Variants in IGSF9 observed in about 807,000 individuals in gnomAD.
The protein encoded by IGSF9 is protein turtle homolog A.
In IGSF9, 87 loss-of-function variants were observed where a neutral mutation model predicts 121.7. The observed-to-expected ratio is 0.71, with a 90% CI of 0.60 to 0.85. The LOEUF is 0.85. IGSF9 is among the 40% of genes least tolerant of loss of function. The pLI is 0.00. For missense variants in IGSF9, 1,462 were observed against 1,565.3 expected (o/e 0.93, Z 1.11); for synonymous variants, 640 against 648.4 (o/e 0.99, Z 0.20).
At position 159,927,540 on chromosome 1, in the gene IGSF9, G is replaced by T; in HGVS notation, c.3359-14C>A. ...GAGTCTTCACACCTGCAAGAGGCGG[G>T]CAGGACAATGAGAAGAAGCCCTGAG... On this transcript the variant is annotated splice_polypyrimidine_tract_variant and intron_variant, in intron 20 of 20. Coordinates refer to ENST00000368094, the MANE Select transcript of IGSF9 (RefSeq NM_001135050.2). 1 of 1,606,712 alleles carries T rather than the reference G, an allele frequency of 6.2e-7. No homozygotes were observed. The highest frequency in any genetic ancestry group is 8.5e-7 in the Non-Finnish European group (1 of 1,174,888).
chr1:159,934,266 C>T lies in IGSF9; in HGVS notation c.1028G>A (p.Arg343His), dbSNP rs375390689. The change falls in exon 9 of 21, where the codon CGC becomes CAC. Residue 343 changes from arginine to histidine, a missense_variant. By Grantham distance (29) the Arg-to-His change is conservative. Around this residue, in one of 3 missense-constraint regions of IGSF9, gnomAD observed 558 missense variants for 599.4 expected, o/e 0.93. Coordinates refer to ENST00000368094, the MANE Select transcript of IGSF9 (RefSeq NM_001135050.2). ...TGGGGGGTTGGCACGAACCGGGCAG[C>T]GGATCACCCCCGGCATGCCTATGGG... ...PLPIGMPGVI[R>H]CPVRANPPLL... is the part of the protein sequence containing the mutation. 1.4e-5 allele frequency: 22 copies of T among 1,613,520 alleles called. No individual in the cohort carries two copies. Among genetic ancestry groups the T allele is most frequent in the African/African-American group, 2.7e-5 (2 of 74,912 alleles).
At chr1:159,935,622 A>G (rs568774559) in intron 6 of IGSF9, among the ~76,000 whole-genome samples, 1 of 152,346 alleles carries the variant, frequency 6.6e-6, no homozygotes, top group East Asian at 1.9e-4. Flanking sequence ...AGAGGTCATG[A>G]TGCGAGCTGA....
At position 159,927,267 on chromosome 1, in the gene IGSF9, G is replaced by A. The variant is rs575707994; in HGVS notation, c.*78C>T. ...AGGGGCAGGCAGGGGCAGTGCCCTC[G>A]TTTGAAACTAGGTCTGTCTGGTTGG... On this transcript the variant is annotated 3_prime_UTR_variant, in exon 21 of 21. Coordinates refer to ENST00000368094, the MANE Select transcript of IGSF9 (RefSeq NM_001135050.2). 66 of 1,569,762 alleles carry A rather than the reference G, an allele frequency of 4.2e-5. 1 individual carries two copies. The highest frequency in any genetic ancestry group is 1.2e-4 in the South Asian group (11 of 89,882).
At chr1:159,936,584 G>T in intron 5 of IGSF9, 68 bp from the exon 6 acceptor site, 1 of 1,549,388 alleles carries the variant, frequency 6.5e-7, no homozygotes, top group Non-Finnish European at 8.8e-7. Context: ...TTCCGAGTTT[G>T]GCCAGCAGAG....
Position 159,927,764 on chromosome 1 carries a change from C to T in IGSF9, c.3354G>A (p.Glu1118=). Residue 1118 remains glutamate, a synonymous_variant, in exon 20 of 21, where the codon GAG becomes GAA. Transcript: ENST00000368094. ...CTTTCCGGGGGGCTCACACACCTAG[C>T]TCTGGCTCAGCTTCAGGTCTGAGCC... The part of the protein sequence containing the change: ...SSRLRPEAEP[E]LGVKTPEEGC... The T allele has an allele frequency of 6.2e-7, 1 of 1,613,084 alleles. No individual in the cohort carries two copies.
intron 3 of IGSF9, among the ~76,000 whole-genome samples, chr1:159,938,226 G>A (rs1440100450): frequency 6.6e-6 from 1 of 152,112 alleles, no homozygotes; most frequent in Admixed American, 6.5e-5. Flanking sequence ...GGGAAGGTGT[G>A]AGCTCCTGGG....
intron 6 of IGSF9, among the ~76,000 whole-genome samples, chr1:159,935,231 T>C (rs1179895677): frequency 6.6e-6 from 1 of 151,992 alleles, no homozygotes; most frequent in African/African-American, 2.4e-5. Context: ...GACTCCAGGC[T>C]CCCCTGCAGC....
intron 3 of IGSF9, among the ~76,000 whole-genome samples, chr1:159,940,946 T>G (rs1399916528): frequency 1.3e-5 from 2 of 152,138 alleles, no homozygotes; most frequent in Non-Finnish European, 2.9e-5. Context: ...CTTCCTTCCC[T>G]CCAGAGGCCT....
intron 18 of IGSF9, 116 bp from the exon 19 acceptor site, chr1:159,929,134 A>T (rs1328969375): frequency 2.8e-6 from 4 of 1,407,480 alleles, no homozygotes; most frequent in Non-Finnish European, 3.9e-6. Context: ...AGAACAAGCG[A>T]GGAAAGGACC....
In IGSF9 at chr1:159,928,263, G is replaced by A. The variant is rs768180100; in HGVS notation, c.3125C>T (p.Ser1042Phe). 7 of 1,613,100 alleles carry A rather than the reference G, an allele frequency of 4.3e-6. No individual in the cohort carries two copies. The African/African-American group carries it at 9.3e-5, about 22-fold the overall frequency. Residue 1042 changes from serine to phenylalanine, a missense_variant, in exon 19 of 21, where the codon TCT (serine) becomes TTT (phenylalanine). This residue lies in a region of IGSF9 where 808 missense variants were observed against 815.2 expected (regional missense o/e 0.99). Transcript: ENST00000368094. The stretch of plus-strand genomic sequence containing the variant: ...AGGGCTGAGGTAGCTGCCTCCTGCA[G>A]AGGGGGCTGTGGAGGGGGGCCGCAG... ...SFLRPPSTAP[S>F]AGGSYLSPAP...
intron 3 of IGSF9, among the ~76,000 whole-genome samples, chr1:159,942,257 G>T (rs894484482): frequency 1.3e-5 from 2 of 152,220 alleles, no homozygotes; most frequent in African/African-American, 4.8e-5. Flanking sequence ...CTGGGGTGCA[G>T]CAGAAGGCGC....
In IGSF9 at chr1:159,943,577, G is replaced by A; in HGVS notation, c.-123C>T. On this transcript the variant is annotated 5_prime_UTR_variant, in exon 2 of 21. Coordinates refer to ENST00000368094, the MANE Select transcript of IGSF9 (RefSeq NM_001135050.2). ...AGCTCTCACTCTTCTGTACAGTGAG[G>A]GCTTGGCTCATGTAACACCCGAGGA... 3.4e-6 allele frequency: 3 copies of A among 877,216 alleles called. No homozygotes were observed. Among genetic ancestry groups the A allele is most frequent in the Non-Finnish European group, 4.9e-6 (3 of 615,844 alleles). The allele number at this position is 877,216 out of a possible 1,614,324, so 54.3% of individuals were successfully genotyped here.
rs368766133 is a variant in IGSF9 at position 159,929,449 on chromosome 1, G to A, written c.2327-56C>T. The A allele has an allele frequency of 1.7e-4, 271 of 1,594,366 alleles. 4 individuals carry two copies. The South Asian group carries it at 2.8e-3, about 17-fold the overall frequency. ...AGGCAAAAATCAAGGCCCTCTAGGC[G>A]GAGACTCTCTCACCCAACACCAGGC... is the stretch of plus-strand genomic sequence containing the variant. On this transcript the variant is annotated intron_variant, in intron 17 of 20. Transcript: ENST00000368094.
intron 9 of IGSF9, chr1:159,933,878 C>G (rs1049832829): frequency 5.0e-6 from 2 of 399,892 alleles, no homozygotes; most frequent in African/African-American, 4.2e-5. Flanking sequence ...TCCCCCGGGA[C>G]ACACAATTTC....
At position 159,930,338 on chromosome 1, in the gene IGSF9, C is replaced by A; in HGVS notation, c.1915G>T (p.Val639Leu). The part of the protein sequence containing the change: ...GLVAVRTPRG[V>L]LLHWDPPELV... ...TCTGGGGGATCCCAATGCAGGAGTA[C>A]CCCCCGGGGTGTCCTCACTGCCACC... The change falls in exon 15 of 21, where the codon GTA becomes TTA. Residue 639 changes from valine (V) to leucine (L), a missense_variant. Transcript: ENST00000368094. The A allele has an allele frequency of 6.2e-7, 1 of 1,609,534 alleles. No homozygotes were observed. Among genetic ancestry groups the A allele is most frequent in the Non-Finnish European group, 8.5e-7 (1 of 1,177,564 alleles).
Position 159,927,091 on chromosome 1 carries a change from CACACACAG to C in IGSF9, c.*246_*253del, listed in dbSNP as rs1650755684. 4 of 540,718 alleles carry C rather than the reference CACACACAG, an allele frequency of 7.4e-6. No homozygotes were observed. In the African/African-American group the frequency reaches 8.3e-5, roughly 11 times the overall value. 33.5% of individuals were successfully genotyped at this position (540,718 alleles called of 1,614,324 possible). On this transcript the variant is annotated 3_prime_UTR_variant, in exon 21 of 21. Transcript: ENST00000368094. Reference sequence around the variant, plus strand: ...GTAAAAAACTTCACACACACACACACACACACAGAGAGAGAGAGAGAGAGAGAGAGAGA... The same window carrying C: ...GTAAAAAACTTCACACACACACACACAGAGAGAGAGAGAGAGAGAGAGAGA...
chr1:159,932,212 C>A lies in IGSF9; in HGVS notation c.1246-284G>T. 1.7e-6 allele frequency: 1 copy of A among 573,254 alleles called. No individual in the cohort carries two copies. The highest frequency in any genetic ancestry group is 3.1e-6 in the Non-Finnish European group (1 of 322,884). 35.5% of individuals were successfully genotyped at this position (573,254 alleles called of 1,614,324 possible). A position where few individuals can be genotyped will look rare whatever the true frequency, so the allele number is the denominator to read the frequency against. On this transcript the variant is annotated intron_variant, in intron 10 of 20. Transcript: ENST00000368094. This position sits in a 1 kb window ranked among gnomAD's most constrained non-coding sequence, Gnocchi z 4.1. The stretch of plus-strand genomic sequence containing the variant: ...CAGAGATGTACAAACCTCTGCAGAA[C>A]ATTCTTCCTCCCAGAGCCCCAGAGA...
At chr1:159,930,037 G>C in intron 15 of IGSF9, 62 bp from the exon 16 acceptor site, 1 of 1,572,306 alleles carries the variant, frequency 6.4e-7, no homozygotes, top group Non-Finnish European at 8.7e-7. Flanking sequence ...ACCCAGCGGG[G>C]CGCGGAAAGA....
intron 13 of IGSF9, 78 bp from the exon 14 acceptor site, chr1:159,930,945 C>A: frequency 6.9e-7 from 1 of 1,450,190 alleles, no homozygotes; most frequent in Non-Finnish European, 9.3e-7. Flanking sequence ...ATCTAACCAC[C>A]TCCCCTCTGC....
Sources: gnomAD v4.1 joint callset for allele counts (sites outside exome capture counted in the v4.1 genomes callset) on GRCh38, gnomAD v4.1.1 for gene constraint, gnomAD v4.1.1 regional missense constraint, Gnocchi (gnomAD v3.1) non-coding constraint, MANE v1.5 for transcripts, NCBI Gene and HGNC (gene_info 2026-07-23, HGNC 2026-07-21) for gene names.